Variants in PTBP3 observed in about 807,000 individuals in gnomAD.
PTBP3 encodes the protein polypyrimidine tract binding protein 3.
Under a neutral mutation model 58.7 loss-of-function variants are expected in PTBP3, and 20 were observed. That is an observed-to-expected ratio of 0.34 (90% CI 0.24 to 0.50). The LOEUF is 0.50. Ranked by LOEUF, PTBP3 falls within the 20% of genes least tolerant of loss-of-function variation. The pLI is 0.98. For missense variants in PTBP3, 509 were observed against 637.2 expected, an observed-to-expected ratio of 0.80 and a Z score of 2.17; for synonymous variants, 185 against 219.8, an observed-to-expected ratio of 0.84 and a Z score of 1.40.
chr9:112,217,959 C>A (rs953988137), downstream of PTBP3: 1 of 152,178 alleles, frequency 6.6e-6, no homozygotes, highest in Non-Finnish European at 1.5e-5. Context: ...ATCTGTGCTA[C>A]CTTTTTAAAG....
At chr9:112,268,513 A>G (rs1278384457) in intron 3 of PTBP3, among the ~76,000 whole-genome samples, 1 of 151,414 alleles carries the variant, frequency 6.6e-6, no homozygotes, top group Non-Finnish European at 1.5e-5. Context: ...TGTGCAACAC[A>G]GCGAGAACCC....
intron 1 of PTBP3, among the ~76,000 whole-genome samples, chr9:112,329,544 T>C (rs1275262783): frequency 6.6e-6 from 1 of 152,210 alleles, no homozygotes; most frequent in East Asian, 1.9e-4. Context: ...GAACTCTCAT[T>C]GCTGACAGCT....
rs1243953719 is a variant in PTBP3 at position 112,221,729 on chromosome 9, T to G, written c.*2122A>C. On this transcript the variant is annotated 3_prime_UTR_variant, in exon 14 of 14. Coordinates refer to ENST00000374257, the MANE Select transcript of PTBP3 (RefSeq NM_001163788.4). ...CTGATCCATTTGAAAAGTCTTAACT[T>G]AGTATCCCTCCTTTCTATTCTACCA... 3.0e-6 allele frequency: 3 copies of G among 985,034 alleles called. No individual in the cohort carries two copies. The highest frequency in any genetic ancestry group is 3.6e-6 in the Non-Finnish European group (3 of 829,680). 61.0% of individuals were successfully genotyped at this position (985,034 alleles called of 1,614,324 possible).
chr9:112,340,372 T>C, the PTBP3 span, among the ~76,000 whole-genome samples: 1 of 152,214 alleles, frequency 6.6e-6, no homozygotes, highest in Non-Finnish European at 1.5e-5. Flanking sequence ...CATATTTTTC[T>C]TTAATGTCTT....
chr9:112,257,786 A>G (rs546491567), intron 5 of PTBP3, among the ~76,000 whole-genome samples: 1 of 152,242 alleles, frequency 6.6e-6, no homozygotes, highest in East Asian at 1.9e-4. Context: ...CTAAAAGTAC[A>G]AAAATTAGCC....
chr9:112,261,285 T>C (rs1836583742), intron 5 of PTBP3, among the ~76,000 whole-genome samples: 1 of 152,058 alleles, frequency 6.6e-6, no homozygotes, highest in African/African-American at 2.4e-5. Context: ...CAGAAAACTA[T>C]CAAAGGGGAA....
chr9:112,379,873 TACG>T, the PTBP3 span: 9 of 549,504 alleles, frequency 1.6e-5, no homozygotes, highest in Admixed American at 1.4e-4. Context: ...ATTGTCACCG[TACG>T]ACCAGTGAGG....
At chr9:112,290,882 C>G (rs1828389429) in intron 2 of PTBP3, among the ~76,000 whole-genome samples, 1 of 151,728 alleles carries the variant, frequency 6.6e-6, no homozygotes, top group Non-Finnish European at 1.5e-5. Flanking sequence ...TAGACACATA[C>G]CAAGTAAAAT....
At chr9:112,289,763 A>G in intron 2 of PTBP3, among the ~76,000 whole-genome samples, 1 of 152,332 alleles carries the variant, frequency 6.6e-6, no homozygotes, top group East Asian at 1.9e-4. Flanking sequence ...ACATCTACAC[A>G]CATATAATAC....
intron 2 of PTBP3, among the ~76,000 whole-genome samples, chr9:112,284,901 C>G (rs1006628259): frequency 1.3e-5 from 2 of 152,134 alleles, no homozygotes; most frequent in Admixed American, 1.3e-4. Flanking sequence ...TTTATAGGCT[C>G]ATAGGCAGAA....
chr9:112,320,707 G>A (rs1032503476), intron 1 of PTBP3, among the ~76,000 whole-genome samples: 7 of 152,114 alleles, frequency 4.6e-5, no homozygotes, highest in Non-Finnish European at 8.8e-5. Flanking sequence ...TAGATCAAGG[G>A]ATAAGAATAC....
At chr9:112,343,024 GCTGATAAAAAAGGAA>G in the PTBP3 span, among the ~76,000 whole-genome samples, 3 of 152,066 alleles carry the variant, frequency 2.0e-5, no homozygotes, top group African/African-American at 7.2e-5. Flanking sequence ...GACACCATTG[GCTGATAAAAAAGGAA>G]CCAAGACTCC....
chr9:112,366,754 C>A, the PTBP3 span, among the ~76,000 whole-genome samples: 10 of 152,168 alleles, frequency 6.6e-5, no homozygotes, highest in African/African-American at 2.4e-4. Flanking sequence ...CTTAGTGGGG[C>A]ACCACCTAGT....
chr9:112,347,042 A>C, the PTBP3 span, among the ~76,000 whole-genome samples: 1 of 152,216 alleles, frequency 6.6e-6, no homozygotes, highest in East Asian at 1.9e-4. Context: ...TATAACCTAG[A>C]GCACCAGATG....
chr9:112,358,601 T>C, the PTBP3 span, among the ~76,000 whole-genome samples: 1 of 152,172 alleles, frequency 6.6e-6, no homozygotes, highest in African/African-American at 2.4e-5. Flanking sequence ...CACAAAGGCT[T>C]TTTATGGCAA....
chr9:112,232,149 T>C lies in PTBP3; in HGVS notation c.970A>G (p.Ser324Gly), dbSNP rs111922243. ...AGAACAGAATTTCCTGGTATACCACTAGCCCCAGGAATGGCCATCCTTCCA... is the reference window on the plus strand; with the variant it reads ...AGAACAGAATTTCCTGGTATACCACCAGCCCCAGGAATGGCCATCCTTCCA... ...VTGRMAIPGA[S>G]GIPGNSVLLV... Residue 324 changes from serine to glycine, a missense_variant, in exon 9 of 14, where the codon AGT becomes GGT. Ser to Gly is a moderately conservative substitution (Grantham distance 56). This residue lies in a region of PTBP3 where 121 missense variants were observed against 114.8 expected (regional missense o/e 1.05). Coordinates refer to ENST00000374257, the MANE Select transcript of PTBP3 (RefSeq NM_001163788.4). The C allele has an allele frequency of 1.2e-6, 2 of 1,613,500 alleles. No individual in the cohort carries two copies.
upstream of PTBP3, chr9:112,333,654 ACCGCCGCGCCC>A: frequency 1.7e-6 from 1 of 584,576 alleles, no homozygotes; most frequent in Non-Finnish European, 2.7e-6. Context: ...CGCTCCCGCC[ACCGCCGCGCCC>A]CCGCCTTCCC....
At chr9:112,269,655 T>A (rs1429793234) in intron 3 of PTBP3, among the ~76,000 whole-genome samples, 1 of 152,238 alleles carries the variant, frequency 6.6e-6, no homozygotes, top group Non-Finnish European at 1.5e-5. Context: ...AGTCTCTTTG[T>A]AGCTCTAACA....
intron 1 of PTBP3, among the ~76,000 whole-genome samples, chr9:112,329,564 G>GA (rs1830285760): frequency 6.6e-6 from 1 of 151,992 alleles, no homozygotes; most frequent in African/African-American, 2.4e-5. Flanking sequence ...TAGGTATAAC[G>GA]AAAAAAAAGT....
Sources: allele counts gnomAD v4.1 joint callset (sites outside exome capture counted in the v4.1 genomes callset), GRCh38; gene constraint gnomAD v4.1.1; regional missense constraint gnomAD v4.1.1; transcripts MANE v1.5; gene names NCBI Gene and HGNC (gene_info 2026-07-23, HGNC 2026-07-21).